Variants in RELN observed in about 807,000 individuals in gnomAD.
The protein encoded by RELN is reelin.
A neutral mutation model predicts 427.6 loss-of-function variants in RELN; 108 were observed. That is an observed-to-expected ratio of 0.25 (90% CI 0.22 to 0.30). The LOEUF is 0.30. RELN is among the 10% of genes least tolerant of loss of function. The pLI is 1.00. For synonymous variants in RELN, 1,524 were observed against 1,513.4 expected (o/e 1.01, Z -0.16); for missense variants, 3,715 against 4,302.8 (o/e 0.86, Z 3.82).
At chr7:103,558,870 A>T (rs1830581889) in intron 36 of RELN, among the ~76,000 whole-genome samples, 1 of 152,196 alleles carries the variant, frequency 6.6e-6, no homozygotes, top group Admixed American at 6.5e-5. Flanking sequence ...GTGTGATAAT[A>T]AGTGGACATT....
intron 34 of RELN, among the ~76,000 whole-genome samples, chr7:103,564,026 G>T (rs927973100): frequency 2.0e-5 from 3 of 152,174 alleles, no homozygotes; most frequent in African/African-American, 7.2e-5. Context: ...TATCACCATC[G>T]TTAAGTGATG....
chr7:103,622,876 C>G (rs549929582), intron 20 of RELN, among the ~76,000 whole-genome samples: 1 of 152,298 alleles, frequency 6.6e-6, no homozygotes, highest in South Asian at 2.1e-4. Flanking sequence ...AAGCAAAGGG[C>G]CTTTCTATCT....
chr7:103,553,383 T>C, intron 40 of RELN, 78 bp downstream of exon 40: 1 of 1,078,178 alleles, frequency 9.3e-7, no homozygotes. Flanking sequence ...CATGAAATTA[T>C]CTGAGATTTT....
In RELN at chr7:103,620,016, T is replaced by G. The variant is rs2299351; in HGVS notation, c.2703-8213A>C. On this transcript the variant is annotated intron_variant, in intron 20 of 64. Coordinates refer to ENST00000428762, the MANE Select transcript of RELN (RefSeq NM_005045.4). This position sits in a 1 kb window ranked among gnomAD's most constrained non-coding sequence, Gnocchi z 4.1. Reference sequence around the variant, plus strand: ...CTGTCCACTACTTTTGATAAGGTTTTGCTGTGCCCCACCCAAATCTCATCT... The same window carrying G: ...CTGTCCACTACTTTTGATAAGGTTTGGCTGTGCCCCACCCAAATCTCATCT... Among the ~76,000 whole-genome samples, 6,138 of 152,248 alleles carry G rather than the reference T, an allele frequency of 0.04. 168 individuals are homozygous for G. Among genetic ancestry groups the G allele is most frequent in the East Asian group, 0.14 (746 of 5,178 alleles).
At chr7:103,804,994 A>G (rs558377115) in intron 3 of RELN, among the ~76,000 whole-genome samples, 1 of 152,194 alleles carries the variant, frequency 6.6e-6, no homozygotes, top group Non-Finnish European at 1.5e-5. Context: ...ATAATTTAAT[A>G]TCTAATCGGG....
chr7:103,534,875 A>G (rs58135847), intron 46 of RELN, among the ~76,000 whole-genome samples: 9,396 of 152,264 alleles, frequency 0.062, 445 homozygotes, highest in East Asian at 0.19. Context: ...CATAATTTAA[A>G]GGTACATTTA....
chr7:103,623,145 A>C (rs1388711492), intron 20 of RELN, among the ~76,000 whole-genome samples: 1 of 152,172 alleles, frequency 6.6e-6, no homozygotes, highest in Non-Finnish European at 1.5e-5. Context: ...GAATAATAGG[A>C]AGTGACTTTT....
chr7:103,538,945 T>C, intron 45 of RELN, 133 bp downstream of exon 45: 1 of 949,724 alleles, frequency 1.1e-6, no homozygotes, highest in Non-Finnish European at 1.6e-6. Context: ...AAGAGTACAG[T>C]GTGGTTTGAC....
intron 49 of RELN, among the ~76,000 whole-genome samples, 153 bp from the exon 50 acceptor site, chr7:103,515,594 ACTGGCT>A (rs1829547751): frequency 4.6e-5 from 7 of 152,202 alleles, no homozygotes; most frequent in African/African-American, 1.7e-4. Flanking sequence ...ACCACGATTA[ACTGGCT>A]TAATTTTATG....
intron 4 of RELN, among the ~76,000 whole-genome samples, chr7:103,769,850 C>T (rs556735291): frequency 1.3e-5 from 2 of 152,174 alleles, no homozygotes; most frequent in Non-Finnish European, 2.9e-5. Flanking sequence ...TTAGCACTCT[C>T]GAAATCACAA....
intron 4 of RELN, among the ~76,000 whole-genome samples, chr7:103,773,157 T>TTTCTTTCTTTTTCTTTCTTTCC: frequency 8.1e-6 from 1 of 123,238 alleles, no homozygotes; most frequent in Admixed American, 8.2e-5. Flanking sequence ...TCTTTCTTTC[T>TTTCTTTCTTTTTCTTTCTTTCC]TTCTTTCTTT....
intron 3 of RELN, among the ~76,000 whole-genome samples, chr7:103,785,897 C>A (rs1268593292): frequency 1.3e-5 from 2 of 151,250 alleles, no homozygotes; most frequent in Non-Finnish European, 3.0e-5. Flanking sequence ...AGATCAAAAG[C>A]TGTTTTTGAT....
At chr7:103,554,893 T>G (rs1830490924) in intron 38 of RELN, among the ~76,000 whole-genome samples, 1 of 152,196 alleles carries the variant, frequency 6.6e-6, no homozygotes. Context: ...AACCCATGGC[T>G]TAGCACCATA....
At chr7:103,972,047 T>C (rs1416171621) in intron 1 of RELN, among the ~76,000 whole-genome samples, 1 of 152,136 alleles carries the variant, frequency 6.6e-6, no homozygotes, top group East Asian at 1.9e-4. Context: ...TACTCCAGCC[T>C]GGGCGACAGA....
intron 8 of RELN, among the ~76,000 whole-genome samples, chr7:103,712,600 CATG>C (rs1219332607): frequency 2.0e-5 from 3 of 152,154 alleles, no homozygotes; most frequent in Admixed American, 6.5e-5. Flanking sequence ...CAGTGAAATG[CATG>C]ATAATTCACA....
intron 3 of RELN, among the ~76,000 whole-genome samples, chr7:103,784,138 G>A (rs1163271739): frequency 6.6e-6 from 1 of 152,046 alleles, no homozygotes. Context: ...AGGAAGAAAT[G>A]ACAAATTTCT....
At chr7:103,730,536 C>T (rs548050854) in intron 6 of RELN, among the ~76,000 whole-genome samples, 17 of 152,072 alleles carry the variant, frequency 1.1e-4, no homozygotes, top group Middle Eastern at 3.4e-3. Flanking sequence ...TAAAGCTATT[C>T]TTCCCATTGA....
intron 4 of RELN, among the ~76,000 whole-genome samples, chr7:103,769,274 A>G (rs1791505516): frequency 6.6e-6 from 1 of 152,140 alleles, no homozygotes; most frequent in South Asian, 2.1e-4. Context: ...TTAGGTCATA[A>G]GGGTTGCTCC....
intron 8 of RELN, among the ~76,000 whole-genome samples, chr7:103,703,292 T>C (rs766487643): frequency 9.2e-5 from 14 of 152,142 alleles, no homozygotes; most frequent in Non-Finnish European, 1.6e-4. Flanking sequence ...GGTGTAGCTG[T>C]ATGTATAACT....
Sources: allele counts gnomAD v4.1 joint callset (sites outside exome capture counted in the v4.1 genomes callset), GRCh38; gene constraint gnomAD v4.1.1; non-coding constraint Gnocchi (gnomAD v3.1); transcripts MANE v1.5; gene names NCBI Gene and HGNC (gene_info 2026-07-23, HGNC 2026-07-21).